Variants in CTNNA2 observed in about 807,000 individuals in gnomAD.
The protein encoded by CTNNA2 is catenin alpha-2.
A neutral mutation model predicts 101.0 loss-of-function variants in CTNNA2; 42 were observed. The ratio of observed to expected loss-of-function variants is 0.42; its 90% CI spans 0.32 to 0.54. The LOEUF (loss-of-function observed/expected upper bound fraction) is 0.54. Among genes scored for constraint, CTNNA2 ranks in the 20% least tolerant of loss-of-function variants. The pLI is 0.14. For synonymous variants in CTNNA2, 450 were observed against 456.4 expected (o/e 0.99, Z 0.18); for missense variants, 871 against 1,223.1 (o/e 0.71, Z 4.29).
intron 17 of CTNNA2, among the ~76,000 whole-genome samples, chr2:80,617,310 C>A (rs903457356): frequency 6.7e-6 from 1 of 148,570 alleles, no homozygotes; most frequent in Non-Finnish European, 1.5e-5. Context: ...TATAAAAAAT[C>A]AAAGATAAGC....
intron 1 of CTNNA2, among the ~76,000 whole-genome samples, chr2:79,585,654 A>G (rs1435811064): frequency 6.6e-6 from 1 of 152,076 alleles, no homozygotes; most frequent in Non-Finnish European, 1.5e-5. Flanking sequence ...CTGGTAATGA[A>G]TGCATTTGCA....
chr2:80,359,680 G>A (rs1431273288), intron 7 of CTNNA2, among the ~76,000 whole-genome samples: 2 of 152,108 alleles, frequency 1.3e-5, no homozygotes, highest in East Asian at 1.9e-4. Flanking sequence ...TGCTTCTAGA[G>A]TTTGTGGAAC....
intron 1 of CTNNA2, among the ~76,000 whole-genome samples, chr2:79,645,420 G>A (rs1470995153): frequency 6.6e-6 from 1 of 152,126 alleles, no homozygotes; most frequent in Non-Finnish European, 1.5e-5. Context: ...GCAATTTAAT[G>A]TACAGGAGAC....
chr2:79,344,870 TTA>T (rs111663049), intron 3 of CTNNA2, among the ~76,000 whole-genome samples: 2,558 of 145,492 alleles, frequency 0.018, 77 homozygotes, highest in African/African-American at 0.058. Flanking sequence ...TATATTATAT[TTA>T]TATATATAAT....
intron 6 of CTNNA2, among the ~76,000 whole-genome samples, chr2:79,881,150 C>G (rs536079335): frequency 4.6e-5 from 7 of 152,244 alleles, no homozygotes; most frequent in African/African-American, 1.7e-4. Context: ...ATCCTAAGTT[C>G]TCATTTGATT....
At chr2:80,444,562 G>A (rs917309210) in intron 9 of CTNNA2, among the ~76,000 whole-genome samples, 15 of 152,030 alleles carry the variant, frequency 9.9e-5, no homozygotes, top group South Asian at 2.1e-4. Flanking sequence ...ATTGTACCCC[G>A]CTCCCATCTA....
intron 2 of CTNNA2, among the ~76,000 whole-genome samples, chr2:79,694,731 C>T (rs903927543): frequency 6.6e-6 from 1 of 151,778 alleles, no homozygotes; most frequent in African/African-American, 2.4e-5. Flanking sequence ...AGTTACTGTT[C>T]TAAATTCTTT....
intron 2 of CTNNA2, among the ~76,000 whole-genome samples, chr2:79,232,832 G>A (rs182557493): frequency 6.6e-6 from 1 of 152,150 alleles, no homozygotes; most frequent in Admixed American, 6.5e-5. Flanking sequence ...GCGTGGAGGT[G>A]TTCATAAATA....
chr2:79,305,615 A>G (rs1372944145), intron 2 of CTNNA2, among the ~76,000 whole-genome samples: 1 of 152,094 alleles, frequency 6.6e-6, no homozygotes, highest in East Asian at 1.9e-4. Flanking sequence ...AATTCTGACT[A>G]TTCCACACAT....
intron 9 of CTNNA2, among the ~76,000 whole-genome samples, chr2:80,538,085 C>T (rs1342396491): frequency 6.6e-6 from 1 of 151,706 alleles, no homozygotes; most frequent in East Asian, 1.9e-4. Flanking sequence ...TTGTTTTTTT[C>T]TTGTAAATTT....
intron 7 of CTNNA2, among the ~76,000 whole-genome samples, chr2:80,380,028 C>CT (rs769794108): frequency 0.018 from 1,578 of 86,540 alleles, 293 homozygotes; most frequent in African/African-American, 0.049. Flanking sequence ...TCGAGATGTA[C>CT]TTTTTTTTTT....
intron 4 of CTNNA2, among the ~76,000 whole-genome samples, chr2:79,476,429 A>G (rs1010953927): frequency 6.6e-6 from 1 of 152,210 alleles, no homozygotes; most frequent in Non-Finnish European, 1.5e-5. Context: ...TCTAAGAACC[A>G]TTAACCTATA....
rs539600731 is a variant in CTNNA2, at chr2:80,209,438, G to A, written c.1057-183773G>A. On this transcript the variant is annotated intron_variant, in intron 7 of 18. Coordinates refer to ENST00000402739, the MANE Select transcript of CTNNA2 (RefSeq NM_001282597.3). ...ACTCCTGACCTCAGGTGATCCGCCC[G>A]CCTCGGCCTCCCAAAGTGCTGAGAG... 9.2e-5 allele frequency among the ~76,000 whole-genome samples: 14 copies of A among 152,062 alleles called. No homozygotes were observed. In the South Asian group the frequency reaches 2.7e-3, roughly 29 times the overall value.
chr2:80,459,073 G>C (rs1163471197), intron 9 of CTNNA2, among the ~76,000 whole-genome samples: 1 of 152,120 alleles, frequency 6.6e-6, no homozygotes, highest in African/African-American at 2.4e-5. Context: ...AGAGTAACAT[G>C]CTTTACAGGT....
intron 2 of CTNNA2, among the ~76,000 whole-genome samples, chr2:79,676,301 C>A (rs965667984): frequency 2.0e-5 from 3 of 152,156 alleles, no homozygotes; most frequent in African/African-American, 7.2e-5. Flanking sequence ...CTGTGAGTGC[C>A]AACAGCATTA....
intron 7 of CTNNA2, among the ~76,000 whole-genome samples, chr2:80,131,666 T>C (rs1702421763): frequency 6.6e-6 from 1 of 152,164 alleles, no homozygotes; most frequent in Admixed American, 6.5e-5. Context: ...CTGATTTTTT[T>C]CCACCCACCC....
intron 9 of CTNNA2, among the ~76,000 whole-genome samples, chr2:80,441,109 T>C (rs1682525663): frequency 6.6e-6 from 1 of 152,228 alleles, no homozygotes; most frequent in Non-Finnish European, 1.5e-5. Context: ...AAAGAAAGTT[T>C]ACCTGGATAG....
At chr2:79,345,065 G>A (rs1426422656) in intron 3 of CTNNA2, among the ~76,000 whole-genome samples, 1 of 148,018 alleles carries the variant, frequency 6.8e-6, no homozygotes, top group Non-Finnish European at 1.5e-5. Context: ...ATATGGAGCT[G>A]ATTTGTTGTT....
chr2:80,007,957 C>A (rs1476440447), intron 7 of CTNNA2, among the ~76,000 whole-genome samples: 1 of 152,186 alleles, frequency 6.6e-6, no homozygotes, highest in Non-Finnish European at 1.5e-5. Context: ...GCCTCAGACC[C>A]ACTTCATTAA....
Sources: gnomAD v4.1 joint callset for allele counts (sites outside exome capture counted in the v4.1 genomes callset) on GRCh38, gnomAD v4.1.1 for gene constraint, MANE v1.5 for transcripts, NCBI Gene and HGNC (gene_info 2026-07-23, HGNC 2026-07-21) for gene names.